Variants in ADA2 observed in about 807,000 individuals in gnomAD.
ADA2 encodes the protein adenosine deaminase CECR1.
In ADA2, 29 loss-of-function variants were observed where a neutral mutation model predicts 44.2. That is an observed-to-expected ratio of 0.66 (90% CI 0.49 to 0.89). ADA2 has a LOEUF of 0.89. Among genes scored for constraint, ADA2 ranks in the 40% least tolerant of loss-of-function variants. The probability of loss-of-function intolerance (pLI) is 0.00; values close to 1 mark genes in which losing one functional copy is unlikely to be tolerated. For missense variants in ADA2, 637 were observed against 644.8 expected (o/e 0.99, Z 0.13); for synonymous variants, 215 against 234.9 (o/e 0.92, Z 0.77).
chr22:17,190,247 G>C (rs1308958346), intron 5 of ADA2, among the ~76,000 whole-genome samples: 1 of 152,224 alleles, frequency 6.6e-6, no homozygotes, highest in African/African-American at 2.4e-5. Context: ...AAAGACCCTT[G>C]CTGGCTCTGG....
intron 4 of ADA2, among the ~76,000 whole-genome samples, chr22:17,199,004 G>A (rs1164948042): frequency 6.6e-6 from 1 of 152,160 alleles, no homozygotes; most frequent in South Asian, 2.1e-4. Context: ...GTTTTTAGTT[G>A]TTAATGTGTT....
At chr22:17,193,926 G>C (rs2062156565) in intron 4 of ADA2, among the ~76,000 whole-genome samples, 1 of 150,180 alleles carries the variant, frequency 6.7e-6, no homozygotes, top group Admixed American at 6.7e-5. Context: ...TGTAATCCCA[G>C]CACTTTGGGA....
chr22:17,220,209 A>G (rs1568995754), upstream of ADA2, among the ~76,000 whole-genome samples: 1 of 151,976 alleles, frequency 6.6e-6, no homozygotes, highest in Non-Finnish European at 1.5e-5. Context: ...TTTAGGGGGG[A>G]AATCAGGGAT....
In ADA2 at chr22:17,188,868, A is replaced by AAAAAAAAAAAAAAATATATATATATAT; in HGVS notation, c.973-422_973-421insATATATATATATATTTTTTTTTTTTTT. 15 of 81,174 alleles carry AAAAAAAAAAAAAAATATATATATATAT rather than the reference A, an allele frequency of 1.8e-4. 1 individual carries two copies. Among genetic ancestry groups the AAAAAAAAAAAAAAATATATATATATAT allele is most frequent in the African/African-American group, 6.3e-4 (15 of 23,800 alleles). The allele number at this position is 81,174 out of a possible 1,614,324, so 5.0% of individuals were successfully genotyped here. A position where few individuals can be genotyped will look rare whatever the true frequency, so the allele number is the denominator to read the frequency against. On this transcript the variant is annotated intron_variant, in intron 6 of 9. Transcript: ENST00000399837. ...CACTACAGCCTGGCCAAGAGCAAAA[A>AAAAAAAAAAAAAAATATATATATATAT]ATATATATATATATATATTTTGTAA...
chr22:17,189,129 G>T (rs1458806647), intron 6 of ADA2, among the ~76,000 whole-genome samples: 1 of 148,550 alleles, frequency 6.7e-6, no homozygotes, highest in Non-Finnish European at 1.5e-5. Context: ...AAGTGATTCT[G>T]CCTCAGCCTC....
At chr22:17,194,500 C>G (rs1460663415) in intron 4 of ADA2, among the ~76,000 whole-genome samples, 1 of 152,076 alleles carries the variant, frequency 6.6e-6, no homozygotes, top group Non-Finnish European at 1.5e-5. Context: ...CAGGGTGCTG[C>G]CCCGCTGCCT....
At chr22:17,215,812 G>A (rs1601469782) in intron 1 of ADA2, among the ~76,000 whole-genome samples, 1 of 152,068 alleles carries the variant, frequency 6.6e-6, no homozygotes. Context: ...GGTAGACATG[G>A]GGGATGAAGA....
chr22:17,220,071 C>T (rs1258831708), upstream of ADA2, among the ~76,000 whole-genome samples: 1 of 152,138 alleles, frequency 6.6e-6, no homozygotes, highest in Non-Finnish European at 1.5e-5. Flanking sequence ...TGGAAACAAG[C>T]ACCGCAAAGA....
At chr22:17,220,180 G>T (rs2123742715), upstream of ADA2, among the ~76,000 whole-genome samples, 1 of 152,114 alleles carries the variant, frequency 6.6e-6, no homozygotes, top group Middle Eastern at 3.4e-3. Context: ...GTAAAAAGTA[G>T]CTATAATAAA....
rs2061973755 is a variant in ADA2, at chr22:17,181,905, A to G, written c.1357T>C (p.Tyr453His). ...PAMFGAKGLS[Y>H]DFYEVFMGIG... ...CCCATGAAGACCTCATAGAAATCAT[A>G]GGACAAGCCTTTGGCACCAAACATA... Residue 453 changes from tyrosine to histidine, a missense_variant, in exon 9 of 10, where the codon TAT becomes CAT. Coordinates refer to ENST00000399837, the MANE Select transcript of ADA2 (RefSeq NM_001282225.2). The G allele has an allele frequency of 1.7e-5, 27 of 1,614,174 alleles. No individual in the cohort carries two copies. In the East Asian group the frequency reaches 6.0e-4, roughly 36 times the overall value.
chr22:17,180,300 G>A lies in ADA2; in HGVS notation c.*1183C>T, dbSNP rs1391430635. On this transcript the variant is annotated 3_prime_UTR_variant, in exon 10 of 10. Transcript: ENST00000399837. Reference sequence around the variant, plus strand: ...GTGCAGGTAGAGCACCACCGCTGGAGTCTGGATGCGGGATGCATTCTGATG... The same window carrying A: ...GTGCAGGTAGAGCACCACCGCTGGAATCTGGATGCGGGATGCATTCTGATG... The A allele has an allele frequency of 6.6e-6, 1 of 152,300 alleles. No homozygotes were observed. Among genetic ancestry groups the A allele is most frequent in the Non-Finnish European group, 1.5e-5 (1 of 68,100 alleles). The allele number at this position is 152,300 out of a possible 1,614,324, so 9.4% of individuals were successfully genotyped here.
At chr22:17,191,613 C>T (rs2062115536) in intron 5 of ADA2, 70 bp downstream of exon 5, 1 of 1,557,168 alleles carries the variant, frequency 6.4e-7, no homozygotes. Flanking sequence ...CACCCCTCCC[C>T]TCCCAGCCTA....
chr22:17,209,511 T>C lies in ADA2; in HGVS notation c.167A>G (p.Glu56Gly). The C allele has an allele frequency of 6.2e-7, 1 of 1,614,130 alleles. No individual in the cohort carries two copies. Among genetic ancestry groups the C allele is most frequent in the Non-Finnish European group, 8.5e-7 (1 of 1,180,028 alleles). The change falls in exon 2 of 10, where the codon GAG becomes GGG. Residue 56 changes from glutamate to glycine, a missense_variant. Coordinates refer to ENST00000399837, the MANE Select transcript of ADA2 (RefSeq NM_001282225.2). ...CATGAGCCTCTCATTGGCCAGCTCC[T>C]CCTTGGTGTTCAGCACCAGCCGCCC... ...LGGRLVLNTK[E>G]ELANERLMTL...
chr22:17,206,411 CAGGCTGCTGTGAGCCAAG>C (rs2062354170), intron 3 of ADA2, among the ~76,000 whole-genome samples: 1 of 25,720 alleles, frequency 3.9e-5, no homozygotes, highest in South Asian at 9.9e-4. Context: ...GAGCCAAGAT[CAGGCTGCTGTGAGCCAAG>C]ATCACGCCAC....
chr22:17,214,208 C>A, intron 1 of ADA2: 1 of 547,588 alleles, frequency 1.8e-6, no homozygotes, highest in Non-Finnish European at 3.4e-6. Flanking sequence ...AAAGGCCATG[C>A]TGGGGTTGTG....
At chr22:17,197,106 G>A (rs1275555543) in intron 4 of ADA2, among the ~76,000 whole-genome samples, 1 of 152,166 alleles carries the variant, frequency 6.6e-6, no homozygotes, top group Non-Finnish European at 1.5e-5. Flanking sequence ...CCAGGAGGCA[G>A]AGGTTGCAGT....
At chr22:17,183,522 G>A (rs1437442851) in intron 7 of ADA2, among the ~76,000 whole-genome samples, 21 of 142,018 alleles carry the variant, frequency 1.5e-4, no homozygotes, top group Non-Finnish European at 2.7e-4. Flanking sequence ...ATGCAGTGGC[G>A]TAATCTTGGC....
intron 4 of ADA2, among the ~76,000 whole-genome samples, chr22:17,195,288 G>A (rs1229276664): frequency 6.6e-6 from 1 of 152,156 alleles, no homozygotes; most frequent in Non-Finnish European, 1.5e-5. Flanking sequence ...GGAGGCGGAG[G>A]CAGATCACCT....
intron 1 of ADA2, 145 bp from the exon 2 acceptor site, chr22:17,209,868 C>A: frequency 3.5e-6 from 2 of 579,152 alleles, no homozygotes; most frequent in Non-Finnish European, 6.0e-6. Flanking sequence ...CCTACAGGTA[C>A]AGACAGGTAG....
Sources: allele counts gnomAD v4.1 joint callset (sites outside exome capture counted in the v4.1 genomes callset), GRCh38; gene constraint gnomAD v4.1.1; transcripts MANE v1.5; gene names NCBI Gene and HGNC (gene_info 2026-07-23, HGNC 2026-07-21).